The following PTPRG variants were observed in gnomAD, a reference collection of about 807,000 sequenced individuals.
The protein encoded by PTPRG is receptor-type tyrosine-protein phosphatase gamma.
In PTPRG, 102 loss-of-function variants were observed where a neutral mutation model predicts 165.3. The ratio of observed to expected loss-of-function variants is 0.62; its 90% CI spans 0.53 to 0.73. The LOEUF (loss-of-function observed/expected upper bound fraction) is 0.73. Ranked by LOEUF, PTPRG falls within the 30% of genes least tolerant of loss-of-function variation. The pLI is 0.00. For missense variants in PTPRG, 1,866 were observed against 1,861.4 expected, an observed-to-expected ratio of 1.00 and a Z score of -0.05; for synonymous variants, 675 against 669.5, an observed-to-expected ratio of 1.01 and a Z score of -0.13.
intron 1 of PTPRG, among the ~76,000 whole-genome samples, chr3:61,717,929 C>T (rs1399326449): frequency 6.6e-6 from 1 of 151,898 alleles, no homozygotes; most frequent in Non-Finnish European, 1.5e-5. Flanking sequence ...ACCTATAATC[C>T]CAGCACTTTG....
chr3:61,681,031 G>A lies in PTPRG; in HGVS notation c.86-67847G>A, dbSNP rs67167923. 2.8e-4 allele frequency among the ~76,000 whole-genome samples: 32 copies of A among 112,468 alleles called. 2 individuals carry two copies. The highest frequency in any genetic ancestry group is 9.9e-4 in the African/African-American group (30 of 30,210). The allele number at this position is 112,468 out of a possible 152,430, so 73.8% of individuals were successfully genotyped here. A position where few individuals can be genotyped will look rare whatever the true frequency, so the allele number is the denominator to read the frequency against. ...CAGCTTTGCTTTTTAGTGAGATTGA[G>A]TTAATCTTATATCTTTATGTTCTAA... On this transcript the variant is annotated intron_variant, in intron 1 of 29. Transcript: ENST00000474889.
intron 6 of PTPRG, among the ~76,000 whole-genome samples, chr3:62,148,640 G>A (rs1054147020): frequency 6.6e-6 from 1 of 152,076 alleles, no homozygotes; most frequent in African/African-American, 2.4e-5. Context: ...TGGCGTGCCT[G>A]TAGTCCCAGC....
chr3:61,918,087 C>G (rs1207202838), intron 2 of PTPRG, among the ~76,000 whole-genome samples: 1 of 152,034 alleles, frequency 6.6e-6, no homozygotes, highest in Admixed American at 6.6e-5. Flanking sequence ...GAATTTTTTC[C>G]CCTATAACTT....
At chr3:61,915,346 G>A (rs1490404796) in intron 2 of PTPRG, among the ~76,000 whole-genome samples, 1 of 152,208 alleles carries the variant, frequency 6.6e-6, no homozygotes, top group Admixed American at 6.5e-5. Context: ...AAGCAGGGCA[G>A]TGTTTCTCCC....
At chr3:61,707,877 C>T (rs1177913923) in intron 1 of PTPRG, among the ~76,000 whole-genome samples, 1 of 152,134 alleles carries the variant, frequency 6.6e-6, no homozygotes, top group Non-Finnish European at 1.5e-5. Context: ...CAGCCTTGAC[C>T]TCCCTGTTTC....
intron 4 of PTPRG, among the ~76,000 whole-genome samples, chr3:62,066,255 G>C (rs958177078): frequency 6.6e-6 from 1 of 152,196 alleles, no homozygotes; most frequent in Non-Finnish European, 1.5e-5. Flanking sequence ...GGTAACTTTG[G>C]TTGAGAAAGT....
At chr3:62,241,049 C>G (rs1321498077) in intron 14 of PTPRG, among the ~76,000 whole-genome samples, 1 of 152,082 alleles carries the variant, frequency 6.6e-6, no homozygotes, top group Non-Finnish European at 1.5e-5. Flanking sequence ...CAGGGATAGA[C>G]CTCAAAATAT....
At chr3:61,822,394 A>G (rs1214732986) in intron 2 of PTPRG, among the ~76,000 whole-genome samples, 1 of 152,116 alleles carries the variant, frequency 6.6e-6, no homozygotes, top group Non-Finnish European at 1.5e-5. Flanking sequence ...AGAGTTAACT[A>G]TTTCTTTAAT....
intron 4 of PTPRG, among the ~76,000 whole-genome samples, chr3:62,021,268 G>A (rs1157192172): frequency 1.3e-5 from 2 of 152,128 alleles, no homozygotes; most frequent in Non-Finnish European, 2.9e-5. Context: ...CTTTCTGTTG[G>A]TCTGTCTTAT....
chr3:62,037,421 C>T (rs1052005294), intron 4 of PTPRG, among the ~76,000 whole-genome samples: 5 of 152,186 alleles, frequency 3.3e-5, no homozygotes, highest in African/African-American at 1.2e-4. Context: ...TTAGCAGCAT[C>T]CCGGACCTCT....
In PTPRG at chr3:61,748,892, T is replaced by C. The variant is rs759811510; in HGVS notation, c.100T>C (p.Tyr34His). Reference protein sequence around the residue: ...VVCFPALTEGYVGALHENRHG... With the variant: ...VVCFPALTEGHVGALHENRHG... ...CTCTCTTCCAGCGTTGACAGAAGGC[T>C]ACGTTGGGGCCCTGCACGAGAATAG... The change falls in exon 2 of 30, where the codon TAC becomes CAC. Residue 34 changes from tyrosine (Y) to histidine (H), a missense_variant. Physicochemically the swap from Tyr to His is moderately conservative, Grantham distance 83. This residue lies in a region of PTPRG where 408 missense variants were observed against 376.2 expected (regional missense o/e 1.08). Coordinates refer to ENST00000474889, the MANE Select transcript of PTPRG (RefSeq NM_002841.4). 12 of 1,613,460 alleles carry C rather than the reference T, an allele frequency of 7.4e-6. No individual in the cohort carries two copies. In the African/African-American group the frequency reaches 1.2e-4, roughly 16 times the overall value.
chr3:61,928,114 C>T (rs572121277), intron 2 of PTPRG, among the ~76,000 whole-genome samples: 3 of 152,192 alleles, frequency 2.0e-5, no homozygotes, highest in Non-Finnish European at 2.9e-5. Context: ...GGTATGAGGC[C>T]GGAGGTTAGG....
At chr3:61,656,639 ATTGCATTTG>A (rs1294582521) in intron 1 of PTPRG, among the ~76,000 whole-genome samples, 1 of 152,118 alleles carries the variant, frequency 6.6e-6, no homozygotes, top group East Asian at 1.9e-4. Flanking sequence ...CATTTACCTG[ATTGCATTTG>A]ATGGGTCTGT....
At chr3:62,083,235 A>T (rs1216114120) in intron 5 of PTPRG, among the ~76,000 whole-genome samples, 1 of 151,760 alleles carries the variant, frequency 6.6e-6, no homozygotes, top group Non-Finnish European at 1.5e-5. Context: ...TTGGTGCAAT[A>T]GTAATCGCGG....
At chr3:61,829,512 C>T (rs2036211450) in intron 2 of PTPRG, among the ~76,000 whole-genome samples, 1 of 152,222 alleles carries the variant, frequency 6.6e-6, no homozygotes, top group Admixed American at 6.5e-5. Flanking sequence ...AAGGATCAGG[C>T]CCGAAGAAAG....
At chr3:61,735,777 C>T (rs1231139764) in intron 1 of PTPRG, among the ~76,000 whole-genome samples, 1 of 152,134 alleles carries the variant, frequency 6.6e-6, no homozygotes, top group East Asian at 1.9e-4. Flanking sequence ...AGACAATTTA[C>T]CATAGATTTA....
intron 2 of PTPRG, among the ~76,000 whole-genome samples, chr3:61,773,919 C>G (rs536875256): frequency 6.6e-6 from 1 of 152,012 alleles, no homozygotes; most frequent in Non-Finnish European, 1.5e-5. Flanking sequence ...GGATTACAGG[C>G]GTGCACCACC....
In PTPRG at chr3:62,293,907, T is replaced by C. The variant is rs1031183323; in HGVS notation, c.*600T>C. On this transcript the variant is annotated 3_prime_UTR_variant, in exon 30 of 30. Coordinates refer to ENST00000474889, the MANE Select transcript of PTPRG (RefSeq NM_002841.4). ...CTGGTTAAGAGATCCCTTAAGAAGTTAGAAGGCTTAAGAACTGCTTCATGT... is the reference window on the plus strand; with the variant it reads ...CTGGTTAAGAGATCCCTTAAGAAGTCAGAAGGCTTAAGAACTGCTTCATGT... The C allele has an allele frequency of 3.3e-5, 5 of 152,574 alleles. No homozygotes were observed. Among genetic ancestry groups the C allele is most frequent in the Admixed American group, 1.3e-4 (2 of 15,256 alleles). 9.5% of individuals were successfully genotyped at this position (152,574 alleles called of 1,614,324 possible). A position where few individuals can be genotyped will look rare whatever the true frequency, so the allele number is the denominator to read the frequency against.
intron 2 of PTPRG, among the ~76,000 whole-genome samples, chr3:61,850,149 CTTTTA>C (rs952334666): frequency 2.6e-5 from 4 of 151,846 alleles, no homozygotes; most frequent in Non-Finnish European, 5.9e-5. Flanking sequence ...ATATCCTGTT[CTTTTA>C]TTTATTTATT....
Sources: allele counts gnomAD v4.1 joint callset (sites outside exome capture counted in the v4.1 genomes callset), GRCh38; gene constraint gnomAD v4.1.1; regional missense constraint gnomAD v4.1.1; transcripts MANE v1.5; gene names NCBI Gene and HGNC (gene_info 2026-07-23, HGNC 2026-07-21).